The following AGT variants were observed in gnomAD, a reference collection of about 807,000 sequenced individuals.
AGT encodes the protein angiotensinogen.
AGT carries 26 observed loss-of-function variants against 28.1 expected under a neutral mutation model. That is an observed-to-expected ratio of 0.92 (90% CI 0.68 to 1.28). AGT has a LOEUF of 1.28. Ranked by LOEUF, AGT falls within the 50% of genes most tolerant of loss-of-function variation. AGT has a pLI of 0.00. For synonymous variants in AGT, 259 were observed against 259.6 expected, an observed-to-expected ratio of 1.00 and a Z score of 0.02; for missense variants, 596 against 592.3, an observed-to-expected ratio of 1.01 and a Z score of -0.06.
chr1:230,740,955 A>AT (rs1306985452), intron 1 of AGT, among the ~76,000 whole-genome samples: 5 of 152,080 alleles, frequency 3.3e-5, no homozygotes, highest in Admixed American at 6.6e-5. Context: ...AAAAATTAGG[A>AT]TTTTTTTGGG....
chr1:230,703,194 CG>C lies in AGT; in HGVS notation c.1377del (p.Ser459ArgfsTer15), dbSNP rs1663280915. 1.2e-6 allele frequency: 2 copies of C among 1,614,146 alleles called. No homozygotes were observed. The highest frequency in any genetic ancestry group is 1.7e-6 in the Non-Finnish European group (2 of 1,180,046). ...CGGCCCAGGAAGTGCAGGGCAGTGGCGCTTTGATCATACACAGCAAACAGGA... is the reference window on the plus strand; with the variant it reads ...CGGCCCAGGAAGTGCAGGGCAGTGGCCTTTGATCATACACAGCAAACAGGA... The part of the protein sequence containing the change: ...RPFLFAVYDQ[S>X]ATALHFLGRV... On this transcript the variant is annotated frameshift_variant, in exon 5 of 5. Coordinates refer to ENST00000366667, the MANE Select transcript of AGT (RefSeq NM_001384479.1). LOFTEE classifies it high-confidence loss of function.
intron 1 of AGT, among the ~76,000 whole-genome samples, chr1:230,728,384 T>G (rs1386352226): frequency 6.6e-6 from 1 of 152,168 alleles, no homozygotes; most frequent in Non-Finnish European, 1.5e-5. Flanking sequence ...GACTTAGTTT[T>G]GGGAAGGTCT....
intron 1 of AGT, among the ~76,000 whole-genome samples, chr1:230,727,394 C>T (rs758061147): frequency 6.6e-6 from 1 of 152,194 alleles, no homozygotes; most frequent in Non-Finnish European, 1.5e-5. Context: ...CAACTGCCCT[C>T]ACTGCACTAG....
intron 2 of AGT, 98 bp downstream of exon 2, chr1:230,709,897 G>T: frequency 6.4e-7 from 1 of 1,563,132 alleles, no homozygotes; most frequent in South Asian, 1.1e-5. Context: ...TGTCCGCAGG[G>T]CTGCCCCCTG....
intron 1 of AGT, among the ~76,000 whole-genome samples, chr1:230,743,941 C>T (rs931521609): frequency 1.3e-5 from 2 of 152,224 alleles, no homozygotes; most frequent in Non-Finnish European, 2.9e-5. Flanking sequence ...GCCAGGAAGG[C>T]CCCAGATGCC....
upstream of AGT, among the ~76,000 whole-genome samples, chr1:230,719,305 TC>T (rs1188720521): frequency 6.6e-6 from 1 of 152,158 alleles, no homozygotes; most frequent in South Asian, 2.1e-4. Context: ...GACATAGCTG[TC>T]CATGAGCTGG....
chr1:230,719,735 CA>C (rs1663809020), intron 1 of AGT, among the ~76,000 whole-genome samples: 1 of 152,136 alleles, frequency 6.6e-6, no homozygotes, highest in Non-Finnish European at 1.5e-5. Context: ...AAGTTATAAC[CA>C]AGCCAATGGC....
chr1:230,733,301 A>C (rs12039410), intron 1 of AGT, among the ~76,000 whole-genome samples: 1 of 126,066 alleles, frequency 7.9e-6, no homozygotes, highest in East Asian at 4.7e-4. Context: ...AACAAACAAA[A>C]AAGTCAGTTC....
At position 230,737,480 on chromosome 1, in the gene AGT, T is replaced by G. The variant is rs546367172; in HGVS notation, c.-31+8035A>C. Among the ~76,000 whole-genome samples, 7 of 151,934 alleles carry G rather than the reference T, an allele frequency of 4.6e-5. No individual in the cohort carries two copies. The East Asian group carries it at 1.4e-3, about 29-fold the overall frequency. On this transcript the variant is annotated intron_variant, in intron 1 of 4. Coordinates refer to the AGT transcript ENST00000681269. ...GTGCCCACCACCACACCTGGCTAAT[T>G]TTTGTATTTTTAGTAGAGATGGGGT...
In AGT at chr1:230,705,920, G is replaced by A. The variant is rs764728122; in HGVS notation, c.1097+13C>T. On this transcript the variant is annotated intron_variant, in intron 3 of 4. Coordinates refer to ENST00000366667, the MANE Select transcript of AGT (RefSeq NM_001384479.1). ...TGGCTCCCACATTCCAGGGGAGACC[G>A]GGAGGCTCCTACCGGGGAGATAGTT... The A allele has an allele frequency of 2.2e-5, 35 of 1,613,712 alleles. No homozygotes were observed. The highest frequency in any genetic ancestry group is 6.6e-5 in the South Asian group (6 of 90,968).
chr1:230,735,171 T>C (rs779170842), intron 1 of AGT, among the ~76,000 whole-genome samples: 44 of 152,116 alleles, frequency 2.9e-4, no homozygotes, highest in Non-Finnish European at 4.1e-4. Flanking sequence ...CACAACTGGC[T>C]GGCAGGGCCA....
At chr1:230,744,833 T>C (rs553010479) in intron 1 of AGT, among the ~76,000 whole-genome samples, 58 of 152,268 alleles carry the variant, frequency 3.8e-4, no homozygotes, top group Non-Finnish European at 7.2e-4. Context: ...ACAGTTCTGG[T>C]CAGTGCTGAA....
In AGT at chr1:230,708,935, C is replaced by T. The variant is rs558581712; in HGVS notation, c.829+1060G>A. ...CAGGCCCATTTTCTGGTTCAACACT[C>T]ATGCCAAGCCAACCGCCCCATCCTC... On this transcript the variant is annotated intron_variant, in intron 2 of 4. Coordinates refer to ENST00000366667, the MANE Select transcript of AGT (RefSeq NM_001384479.1). Among the ~76,000 whole-genome samples, 4 of 152,336 alleles carry T rather than the reference C, an allele frequency of 2.6e-5. No individual in the cohort carries two copies. The South Asian group carries it at 8.3e-4, about 32-fold the overall frequency.
At chr1:230,721,980 G>C (rs1264342801) in intron 1 of AGT, among the ~76,000 whole-genome samples, 1 of 151,744 alleles carries the variant, frequency 6.6e-6, no homozygotes, top group East Asian at 1.9e-4. Context: ...GAGGAAAATG[G>C]CTCCAGGGCA....
rs1414654048 is a variant in AGT at position 230,733,498 on chromosome 1, AT to A, written c.-31+12016del. Among the ~76,000 whole-genome samples, 14 of 152,188 alleles carry A rather than the reference AT, an allele frequency of 9.2e-5. 1 individual carries two copies. In the East Asian group the frequency reaches 2.7e-3, roughly 30 times the overall value. ...CAGTGAGCGCCTTTAGTTGAGGTCGATTTTCACTCGACAAATCACTAAGTGA... is the reference window on the plus strand; with the variant it reads ...CAGTGAGCGCCTTTAGTTGAGGTCGATTTCACTCGACAAATCACTAAGTGA... On this transcript the variant is annotated intron_variant, in intron 1 of 4. Transcript: ENST00000681269.
chr1:230,719,383 T>TTTTTTTTATTATTATTA (rs1553314955), upstream of AGT, among the ~76,000 whole-genome samples: 1 of 147,730 alleles, frequency 6.8e-6, no homozygotes, highest in South Asian at 2.1e-4. Flanking sequence ...CTTTCTATTT[T>TTTTTTTTATTATTATTA]TTATTATTAT....
intron 1 of AGT, among the ~76,000 whole-genome samples, chr1:230,741,522 A>G (rs887255363): frequency 3.3e-5 from 5 of 152,224 alleles, no homozygotes; most frequent in African/African-American, 4.8e-5. Flanking sequence ...CTCTTACCCT[A>G]TGGTGTGATG....
chr1:230,702,757 T>G lies in AGT; in HGVS notation c.*384A>C, dbSNP rs886046079. 29 of 249,046 alleles carry G rather than the reference T, an allele frequency of 1.2e-4. No homozygotes were observed. The highest frequency in any genetic ancestry group is 2.0e-4 in the Non-Finnish European group (25 of 126,992). 15.4% of individuals were successfully genotyped at this position (249,046 alleles called of 1,614,324 possible). The stretch of plus-strand genomic sequence containing the variant: ...CAATGCAAAAATGTATACTTTAATT[T>G]TAAAACCCAATTTTTGTTCTCAACT... On this transcript the variant is annotated 3_prime_UTR_variant, in exon 5 of 5. Coordinates refer to ENST00000366667, the MANE Select transcript of AGT (RefSeq NM_001384479.1).
intron 1 of AGT, among the ~76,000 whole-genome samples, chr1:230,741,383 C>A (rs377633221): frequency 6.6e-6 from 1 of 152,236 alleles, no homozygotes; most frequent in Non-Finnish European, 1.5e-5. Context: ...AGGTCGTCCA[C>A]GAGCCTATGC....
Sources: allele counts gnomAD v4.1 joint callset (sites outside exome capture counted in the v4.1 genomes callset), GRCh38; gene constraint gnomAD v4.1.1; transcripts MANE v1.5; gene names NCBI Gene and HGNC (gene_info 2026-07-23, HGNC 2026-07-21).